The following TRAPPC11 variants were observed in gnomAD, a reference collection of about 807,000 sequenced individuals.
The protein encoded by TRAPPC11 is trafficking protein particle complex subunit 11.
In TRAPPC11, 104 loss-of-function variants were observed where a neutral mutation model predicts 151.2. That is an observed-to-expected ratio of 0.69 (90% confidence interval 0.59 to 0.81). The LOEUF (loss-of-function observed/expected upper bound fraction) is 0.81, where lower values mean the gene tolerates loss of function less well. Among genes scored for constraint, TRAPPC11 ranks in the 30% least tolerant of loss-of-function variants. The probability of loss-of-function intolerance (pLI) is 0.00; values close to 1 mark genes in which losing one functional copy is unlikely to be tolerated. For synonymous variants in TRAPPC11, 456 were observed against 472.3 expected, an observed-to-expected ratio of 0.97 and a Z score of 0.45; for missense variants, 1,230 against 1,349.6, an observed-to-expected ratio of 0.91 and a Z score of 1.39.
chr4:183,663,317 T>A (rs1734654820), intron 1 of TRAPPC11, among the ~76,000 whole-genome samples: 2 of 152,178 alleles, frequency 1.3e-5, no homozygotes, highest in South Asian at 4.1e-4. Flanking sequence ...CACTGCAACC[T>A]CCACCTCCCG....
chr4:183,699,583 C>G (rs1169320122), intron 25 of TRAPPC11, among the ~76,000 whole-genome samples: 3 of 152,168 alleles, frequency 2.0e-5, no homozygotes, highest in African/African-American at 7.2e-5. Context: ...GCTGCTGTAA[C>G]AAACTACCAC....
chr4:183,679,311 TC>T, intron 8 of TRAPPC11, 41 bp from the exon 9 acceptor site: 2 of 1,514,466 alleles, frequency 1.3e-6, no homozygotes, highest in Non-Finnish European at 8.8e-7. Context: ...CTTTTGACTT[TC>T]TTTTTTTCCT....
At chr4:183,699,967 A>G (rs1191695263) in intron 25 of TRAPPC11, among the ~76,000 whole-genome samples, 1 of 151,922 alleles carries the variant, frequency 6.6e-6, no homozygotes, top group Non-Finnish European at 1.5e-5. Context: ...CTGGGACTAC[A>G]GGCACCCACC....
chr4:183,661,345 T>C (rs994807895), intron 1 of TRAPPC11, among the ~76,000 whole-genome samples: 1 of 150,270 alleles, frequency 6.7e-6, no homozygotes, highest in African/African-American at 2.4e-5. Flanking sequence ...TATACTGGTA[T>C]ACTGGTGTAG....
intron 1 of TRAPPC11, among the ~76,000 whole-genome samples, chr4:183,661,081 A>G (rs749706730): frequency 1.1e-4 from 16 of 152,180 alleles, no homozygotes; most frequent in Middle Eastern, 3.4e-3. Context: ...TGAACATGCA[A>G]TCCTTTGCCC....
rs138640154 is a variant in TRAPPC11, at chr4:183,704,507, T to A, written c.2964-472T>A. Reference sequence around the variant, plus strand: ...TTGCAGCCCAGCCTGGGTGAGAGAGTGAGACTGTCTCAAAAAAAAAAAAAA... The same window carrying A: ...TTGCAGCCCAGCCTGGGTGAGAGAGAGAGACTGTCTCAAAAAAAAAAAAAA... On this transcript the variant is annotated intron_variant, in intron 26 of 29. Transcript: ENST00000334690. Among the ~76,000 whole-genome samples the A allele has an allele frequency of 8.8e-3, 1,051 of 119,798 alleles. 11 individuals carry two copies. Among genetic ancestry groups the A allele is most frequent in the African/African-American group, 0.034 (979 of 29,090 alleles). 78.6% of individuals were successfully genotyped at this position (119,798 alleles called of 152,430 possible).
intron 25 of TRAPPC11, 34 bp from the exon 26 acceptor site, chr4:183,701,663 A>G (rs375092423): frequency 1.4e-6 from 2 of 1,426,150 alleles, no homozygotes; most frequent in African/African-American, 2.8e-5. Context: ...AGATGAAACC[A>G]TTGCATAAGG....
At chr4:183,661,026 T>A (rs1734480560) in intron 1 of TRAPPC11, among the ~76,000 whole-genome samples, 1 of 151,918 alleles carries the variant, frequency 6.6e-6, no homozygotes, top group South Asian at 2.1e-4. Context: ...CACCCCTTTT[T>A]AATTTTCATT....
chr4:183,661,361 CTTT>C (rs139201416), intron 1 of TRAPPC11, among the ~76,000 whole-genome samples: 871 of 79,390 alleles, frequency 0.011, 7 homozygotes, highest in African/African-American at 0.043. Context: ...TGTAGATTAC[CTTT>C]TTTTTTTTTT....
At chr4:183,712,487 T>C in intron 29 of TRAPPC11, 113 bp from the exon 30 acceptor site, 4 of 1,050,702 alleles carry the variant, frequency 3.8e-6, no homozygotes, top group Non-Finnish European at 5.9e-6. Flanking sequence ...CTTACACTCA[T>C]TTATTCTGTT....
rs566131369 is a variant in TRAPPC11 at position 183,665,370 on chromosome 4, A to G, written c.205-887A>G. Among the ~76,000 whole-genome samples the G allele has an allele frequency of 1.6e-3, 237 of 152,234 alleles. 1 individual carries two copies. Among genetic ancestry groups the G allele is most frequent in the African/African-American group, 5.4e-3 (226 of 41,538 alleles). ...TGGCCTCCCAAAGTGCTGGGATTAC[A>G]GGCGTGAGCCACCGTGCCAGGCCTA... On this transcript the variant is annotated intron_variant, in intron 2 of 29. Transcript: ENST00000334690.
At position 183,680,282 on chromosome 4, in the gene TRAPPC11, C is replaced by A; in HGVS notation, c.1113+15C>A. 1 of 1,613,508 alleles carries A rather than the reference C, an allele frequency of 6.2e-7. No homozygotes were observed. Among genetic ancestry groups the A allele is most frequent in the South Asian group, 1.1e-5 (1 of 90,892 alleles). On this transcript the variant is annotated intron_variant, in intron 10 of 29. Transcript: ENST00000334690. ...GTAACCACGAAGTAAGTTACTCACT[C>A]CGTATTATCTAGCACATAGAAAAGT...
intron 29 of TRAPPC11, among the ~76,000 whole-genome samples, chr4:183,710,131 T>C (rs1010364106): frequency 1.4e-4 from 22 of 152,110 alleles, no homozygotes; most frequent in Non-Finnish European, 2.8e-4. Context: ...AAGGAGAGAT[T>C]TTTGGTTCCA....
At chr4:183,700,026 G>A (rs561791954) in intron 25 of TRAPPC11, among the ~76,000 whole-genome samples, 7 of 152,032 alleles carry the variant, frequency 4.6e-5, no homozygotes, top group South Asian at 4.2e-4. Context: ...GGGTTTCACC[G>A]TGGTCTCGAT....
intron 9 of TRAPPC11, 152 bp from the exon 10 acceptor site, chr4:183,679,968 A>G (rs963327860): frequency 1.6e-6 from 1 of 643,338 alleles, no homozygotes; most frequent in African/African-American, 1.8e-5. Flanking sequence ...GTGTATTAAT[A>G]TTTACAAAGA....
rs1301919668 is a variant in TRAPPC11 at position 183,673,149 on chromosome 4, A to T, written c.561-1564A>T. Among the ~76,000 whole-genome samples, 3 of 151,750 alleles carry T rather than the reference A, an allele frequency of 2.0e-5. No homozygotes were observed. In the East Asian group the frequency reaches 5.8e-4, roughly 30 times the overall value. ...GGCCAATTTTTTGTATTTTTATTAG[A>T]GACAGGGTTTCACCGTGTTAGCCAG... On this transcript the variant is annotated intron_variant, in intron 5 of 29. Coordinates refer to ENST00000334690, the MANE Select transcript of TRAPPC11 (RefSeq NM_021942.6).
At chr4:183,674,397 A>G (rs1325835623) in intron 5 of TRAPPC11, among the ~76,000 whole-genome samples, 1 of 139,148 alleles carries the variant, frequency 7.2e-6, no homozygotes, top group African/African-American at 2.6e-5. Flanking sequence ...CAGCCTGGGT[A>G]GTGACAGAGC....
At chr4:183,712,470 T>A in intron 29 of TRAPPC11, 130 bp from the exon 30 acceptor site, 1 of 921,160 alleles carries the variant, frequency 1.1e-6, no homozygotes, top group Non-Finnish European at 1.7e-6. Context: ...CCATTTTTAT[T>A]TTGATGCTTA....
intron 2 of TRAPPC11, among the ~76,000 whole-genome samples, chr4:183,664,944 C>T (rs1320906510): frequency 1.3e-5 from 2 of 151,976 alleles, no homozygotes; most frequent in Admixed American, 6.6e-5. Flanking sequence ...GAATATAGGA[C>T]TTGGTCACCG....
Sources: allele counts gnomAD v4.1 joint callset (sites outside exome capture counted in the v4.1 genomes callset), GRCh38; gene constraint gnomAD v4.1.1; transcripts MANE v1.5; gene names NCBI Gene and HGNC (gene_info 2026-07-23, HGNC 2026-07-21).